Variants in IKZF3 observed in about 807,000 individuals in gnomAD.
IKZF3 encodes IKAROS family zinc finger 3.
Under a neutral mutation model 49.0 loss-of-function variants are expected in IKZF3, and 10 were observed. The ratio of observed to expected loss-of-function variants is 0.20; its 90% CI spans 0.13 to 0.35. The LOEUF (loss-of-function observed/expected upper bound fraction) is 0.35, where lower values mean the gene tolerates loss of function less well. IKZF3 is among the 10% of genes least tolerant of loss of function. The pLI, the probability that IKZF3 is intolerant of heterozygous loss-of-function variation, is 1.00. For missense variants in IKZF3, 498 were observed against 664.8 expected (o/e 0.75, Z 2.76); for synonymous variants, 209 against 228.2 (o/e 0.92, Z 0.76).
intron 1 of IKZF3, among the ~76,000 whole-genome samples, chr17:39,857,646 G>A (rs2063099885): frequency 6.6e-6 from 1 of 152,092 alleles, no homozygotes; most frequent in African/African-American, 2.4e-5. Flanking sequence ...TAACAAATTA[G>A]CCAGCAAAAT....
chr17:39,796,496 C>T (rs887933115), intron 3 of IKZF3, among the ~76,000 whole-genome samples: 7 of 151,610 alleles, frequency 4.6e-5, no homozygotes, highest in Non-Finnish European at 1.0e-4. Flanking sequence ...TTGGTTTCAC[C>T]TTTCATCACA....
chr17:39,818,623 G>A lies in IKZF3; in HGVS notation c.163+10764C>T, dbSNP rs575062871. On this transcript the variant is annotated intron_variant, in intron 3 of 7. Coordinates refer to ENST00000346872, the MANE Select transcript of IKZF3 (RefSeq NM_012481.5). ...CTAGCACTTCGGGAGGCTGAGGTGG[G>A]CAGATCACTTGAGGTCAGGAGTTTG... is the stretch of plus-strand genomic sequence containing the variant. Among the ~76,000 whole-genome samples, 18 of 152,228 alleles carry A rather than the reference G, an allele frequency of 1.2e-4. No individual in the cohort carries two copies. The South Asian group carries it at 3.3e-3, about 28-fold the overall frequency.
At chr17:39,788,717 T>G (rs536612821) in intron 5 of IKZF3, among the ~76,000 whole-genome samples, 1 of 152,272 alleles carries the variant, frequency 6.6e-6, no homozygotes, top group East Asian at 1.9e-4. Context: ...AGGAGGTTAA[T>G]GTGGTATAAG....
At chr17:39,817,840 T>TAC (rs2061712173) in intron 3 of IKZF3, among the ~76,000 whole-genome samples, 6 of 152,176 alleles carry the variant, frequency 3.9e-5, no homozygotes, top group Admixed American at 3.9e-4. Context: ...TACAGTAGAG[T>TAC]AGTCCCCCCT....
intron 3 of IKZF3, among the ~76,000 whole-genome samples, chr17:39,797,162 C>A (rs1438861154): frequency 4.7e-5 from 7 of 148,050 alleles, no homozygotes; most frequent in African/African-American, 1.5e-4. Flanking sequence ...GAGACTCCGT[C>A]TCAAGAAAAA....
intron 5 of IKZF3, among the ~76,000 whole-genome samples, chr17:39,790,340 C>G (rs1462293245): frequency 6.7e-6 from 1 of 149,338 alleles, no homozygotes; most frequent in Non-Finnish European, 1.5e-5. Flanking sequence ...CAGTAGAGAA[C>G]TATTCTAATT....
chr17:39,791,141 A>T (rs2061009376), intron 5 of IKZF3, among the ~76,000 whole-genome samples: 1 of 152,186 alleles, frequency 6.6e-6, no homozygotes. Flanking sequence ...CACAAAAATT[A>T]AAAGGACATT....
intron 1 of IKZF3, among the ~76,000 whole-genome samples, chr17:39,845,702 G>T (rs561749956): frequency 1.3e-5 from 2 of 152,042 alleles, no homozygotes; most frequent in Admixed American, 1.3e-4. Flanking sequence ...AGCTTATGGA[G>T]CCCTGTTCTA....
At chr17:39,799,221 G>T (rs1398923877) in intron 3 of IKZF3, among the ~76,000 whole-genome samples, 1 of 152,086 alleles carries the variant, frequency 6.6e-6, no homozygotes, top group Non-Finnish European at 1.5e-5. Flanking sequence ...CGAGTTAGAT[G>T]CAGTGCCCTA....
At chr17:39,783,344 T>C (rs1314014721) in intron 6 of IKZF3, among the ~76,000 whole-genome samples, 1 of 152,186 alleles carries the variant, frequency 6.6e-6, no homozygotes, top group African/African-American at 2.4e-5. Flanking sequence ...TTTTTTGAGA[T>C]GGAGTCTCGC....
In IKZF3 at chr17:39,805,452, G is replaced by C. The variant is rs139360133; in HGVS notation, c.164-12519C>G. On this transcript the variant is annotated intron_variant, in intron 3 of 7. Coordinates refer to ENST00000346872, the MANE Select transcript of IKZF3 (RefSeq NM_012481.5). Reference sequence around the variant, plus strand: ...GGATTCTTGGATGAGAAGGAAATGAGTATAAGGATTAAGAATTAGAAGACT... The same window carrying C: ...GGATTCTTGGATGAGAAGGAAATGACTATAAGGATTAAGAATTAGAAGACT... 2.1e-3 allele frequency among the ~76,000 whole-genome samples: 322 copies of C among 152,250 alleles called. 1 individual carries two copies. The highest frequency in any genetic ancestry group is 7.5e-3 in the African/African-American group (310 of 41,546).
At chr17:39,789,358 T>A (rs1598011708) in intron 5 of IKZF3, among the ~76,000 whole-genome samples, 1 of 151,732 alleles carries the variant, frequency 6.6e-6, no homozygotes, top group South Asian at 2.1e-4. Context: ...AGGTGAGGAG[T>A]TCGAGACCAG....
At chr17:39,794,297 A>G (rs2061107505) in intron 3 of IKZF3, among the ~76,000 whole-genome samples, 1 of 152,218 alleles carries the variant, frequency 6.6e-6, no homozygotes, top group African/African-American at 2.4e-5. Context: ...TACCAACTGT[A>G]TTACACACCC....
chr17:39,814,163 G>T (rs1008379127), intron 3 of IKZF3, among the ~76,000 whole-genome samples: 8 of 152,098 alleles, frequency 5.3e-5, no homozygotes, highest in African/African-American at 1.7e-4. Flanking sequence ...TCTCCTAAGG[G>T]GAAGAAGAAT....
At position 39,860,933 on chromosome 17, in the gene IKZF3, TC is replaced by T. The variant is rs561860940; in HGVS notation, c.7+3186del. ...AAAATATCCAATAACATTTTTGTTT[TC>T]CAAGCTTTCTTTTTCAATTATACAG... On this transcript the variant is annotated intron_variant, in intron 1 of 7. Transcript: ENST00000346872. 7.0e-4 allele frequency among the ~76,000 whole-genome samples: 107 copies of T among 152,332 alleles called. 1 individual carries two copies. Among genetic ancestry groups the T allele is most frequent in the African/African-American group, 2.6e-3 (107 of 41,568 alleles).
Position 39,777,887 on chromosome 17 carries a change from G to T in IKZF3, c.710-120C>A, listed in dbSNP as rs759739699. 36 of 1,447,494 alleles carry T rather than the reference G, an allele frequency of 2.5e-5. No homozygotes were observed. In the African/African-American group the frequency reaches 4.2e-4, roughly 17 times the overall value. The allele number at this position is 1,447,494 out of a possible 1,614,324, so 89.7% of individuals were successfully genotyped here. On this transcript the variant is annotated intron_variant, in intron 6 of 7. Transcript: ENST00000346872. ...GATGCACACTCTATTGTTGTTACCT[G>T]TTATAACTGCTCAGATTCTTGCCTG...
Position 39,766,325 on chromosome 17 carries a change from G to A in IKZF3, c.995C>T (p.Ser332Leu), listed in dbSNP as rs1206171108. The A allele has an allele frequency of 4.3e-6, 7 of 1,614,058 alleles. No individual in the cohort carries two copies. The highest frequency in any genetic ancestry group is 1.7e-5 in the Admixed American group (1 of 60,000). ...GCTGCTGATAACTGGAACCATCTCC[G>A]AGGTGGGAGCAGGCGGTGTCTGGAC... ...PLVQTPPAPTSEMVPVISSMY... is the reference protein window; with the variant it reads ...PLVQTPPAPTLEMVPVISSMY... Residue 332 changes from serine to leucine, a missense_variant, in exon 8 of 8, where the codon TCG becomes TTG. Transcript: ENST00000346872.
rs1223006369 is a variant in IKZF3, at chr17:39,811,035, T to A, written c.164-18102A>T. ...CGAGAAGATCACTTGAGTCTAGGAG[T>A]TCAAGACCAGCCTGGGCAACACAGT... On this transcript the variant is annotated intron_variant, in intron 3 of 7. Transcript: ENST00000346872. 2.0e-5 allele frequency among the ~76,000 whole-genome samples: 3 copies of A among 151,170 alleles called. No homozygotes were observed. The East Asian group carries it at 5.8e-4, about 29-fold the overall frequency.
chr17:39,795,207 T>G (rs1454134142), intron 3 of IKZF3, among the ~76,000 whole-genome samples: 1 of 152,180 alleles, frequency 6.6e-6, no homozygotes, highest in Admixed American at 6.5e-5. Flanking sequence ...AGATCTTAGC[T>G]TTAGTCCTTT....
Sources: allele counts gnomAD v4.1 joint callset (sites outside exome capture counted in the v4.1 genomes callset), GRCh38; gene constraint gnomAD v4.1.1; transcripts MANE v1.5; gene names NCBI Gene and HGNC (gene_info 2026-07-23, HGNC 2026-07-21).